The following OSBPL8 variants were observed in gnomAD, a reference collection of about 807,000 sequenced individuals.
The protein encoded by OSBPL8 is oxysterol-binding protein-related protein 8.
In OSBPL8, 59 loss-of-function variants were observed where a neutral mutation model predicts 125.5. The ratio of observed to expected loss-of-function variants is 0.47; its 90% CI spans 0.38 to 0.58. The LOEUF (loss-of-function observed/expected upper bound fraction) is 0.58, where lower values mean the gene tolerates loss of function less well. Among genes scored for constraint, OSBPL8 ranks in the 20% least tolerant of loss-of-function variants. The pLI is 0.00. For missense variants in OSBPL8, 758 were observed against 1,047.8 expected (o/e 0.72, Z 3.82); for synonymous variants, 330 against 338.9 (o/e 0.97, Z 0.29).
At chr12:76,432,414 T>C (rs983779419) in intron 4 of OSBPL8, among the ~76,000 whole-genome samples, 12 of 151,998 alleles carry the variant, frequency 7.9e-5, no homozygotes, top group Non-Finnish European at 1.5e-5. Context: ...ACCGTGTGTC[T>C]ACAAAAAATT....
At chr12:76,364,572 C>G (rs1377381212) in intron 21 of OSBPL8, among the ~76,000 whole-genome samples, 1 of 152,140 alleles carries the variant, frequency 6.6e-6, no homozygotes, top group Admixed American at 6.5e-5. Context: ...ATGGGTGCAG[C>G]AAACCACCAT....
At chr12:76,403,548 A>G (rs1004773366) in intron 5 of OSBPL8, among the ~76,000 whole-genome samples, 2 of 152,344 alleles carry the variant, frequency 1.3e-5, no homozygotes, top group African/African-American at 2.4e-5. Context: ...AAGAGACCAC[A>G]TAGGTTTACC....
At chr12:76,437,996 AT>A (rs931133415) in intron 4 of OSBPL8, among the ~76,000 whole-genome samples, 2 of 151,184 alleles carry the variant, frequency 1.3e-5, no homozygotes, top group Non-Finnish European at 3.0e-5. Context: ...TTTATTTTTT[AT>A]TTTTTTTGAG....
At chr12:76,461,378 T>C (rs1489162188) in intron 2 of OSBPL8, among the ~76,000 whole-genome samples, 1 of 152,114 alleles carries the variant, frequency 6.6e-6, no homozygotes. Context: ...AGAACTACGG[T>C]GTTAGTGAGG....
intron 4 of OSBPL8, among the ~76,000 whole-genome samples, chr12:76,435,291 G>A (rs1871319005): frequency 6.6e-6 from 1 of 152,026 alleles, no homozygotes; most frequent in African/African-American, 2.4e-5. Flanking sequence ...AGTGAAATAA[G>A]CCAGACATGG....
At chr12:76,496,496 G>C (rs184688850) in intron 1 of OSBPL8, among the ~76,000 whole-genome samples, 19 of 151,294 alleles carry the variant, frequency 1.3e-4, no homozygotes, top group Admixed American at 2.0e-4. Flanking sequence ...CCAGCCTCCT[G>C]AATAGCTGAG....
At chr12:76,406,193 T>C (rs1409602855) in intron 5 of OSBPL8, among the ~76,000 whole-genome samples, 1 of 152,204 alleles carries the variant, frequency 6.6e-6, no homozygotes, top group Non-Finnish European at 1.5e-5. Flanking sequence ...GGGCATTTAT[T>C]TATGAAAATA....
At position 76,390,488 on chromosome 12, in the gene OSBPL8, C is replaced by T. The variant is rs745744982; in HGVS notation, c.1099G>A (p.Glu367Lys). ...TTTAAAGGCTCAACAGGCTCAGGTT[C>T]GATATATGAGTCATCTTGTCTTTCT... ...TSERQDDSYI[E>K]PEPVEPLKET... The change falls in exon 11 of 24, where the codon GAA (glutamate) becomes AAA (lysine). Residue 367 changes from glutamate (E) to lysine (K), a missense_variant. Around this residue, in one of 3 missense-constraint regions of OSBPL8, gnomAD observed 572 missense variants for 762.0 expected, o/e 0.75. Transcript: ENST00000261183. 5.0e-6 allele frequency: 8 copies of T among 1,613,778 alleles called. No homozygotes were observed. The highest frequency in any genetic ancestry group is 1.1e-5 in the South Asian group (1 of 91,068).
At chr12:76,442,202 T>C (rs932148692) in intron 4 of OSBPL8, among the ~76,000 whole-genome samples, 39 of 152,318 alleles carry the variant, frequency 2.6e-4, no homozygotes, top group African/African-American at 9.4e-4. Context: ...TTTGTAAAGA[T>C]GCTTAAAGCT....
At chr12:76,398,840 A>G (rs756359337) in intron 7 of OSBPL8, among the ~76,000 whole-genome samples, 10 of 152,232 alleles carry the variant, frequency 6.6e-5, no homozygotes, top group Non-Finnish European at 1.5e-4. Context: ...GTATATGTAA[A>G]AGAATGGTAA....
intron 23 of OSBPL8, 110 bp from the exon 24 acceptor site, chr12:76,356,131 A>T: frequency 4.1e-6 from 1 of 243,008 alleles, no homozygotes; most frequent in Non-Finnish European, 6.2e-6. Context: ...AATAATTTTT[A>T]GTTGCTGGGT....
chr12:76,477,971 AG>A (rs1381031034), intron 2 of OSBPL8, among the ~76,000 whole-genome samples: 1 of 152,122 alleles, frequency 6.6e-6, no homozygotes, highest in East Asian at 1.9e-4. Context: ...TGGGAGGCTG[AG>A]GAGGGTGGAT....
rs1825570892 is a variant in OSBPL8, at chr12:76,371,524, T to C, written c.1978A>G (p.Thr660Ala). 5 of 1,611,274 alleles carry C rather than the reference T, an allele frequency of 3.1e-6. No individual in the cohort carries two copies. The highest frequency in any genetic ancestry group is 1.3e-5 in the African/African-American group (1 of 74,860). The change falls in exon 19 of 24, where the codon ACA (threonine) becomes GCA (alanine). Residue 660 changes from threonine (T) to alanine (A), a missense_variant. Physicochemically the swap from Thr to Ala is moderately conservative, Grantham distance 58. Transcript: ENST00000261183. Reference protein sequence around the residue: ...TDNSEVFWNPTPDIKQWRLIR... With the variant: ...TDNSEVFWNPAPDIKQWRLIR... ...AATCTCCATTGCTTAATGTCAGGTG[T>C]TGGATTCCAGAAAACCTCTGAATTA... is the stretch of plus-strand genomic sequence containing the variant.
At chr12:76,382,402 T>A (rs1592568094) in intron 15 of OSBPL8, among the ~76,000 whole-genome samples, 1 of 152,116 alleles carries the variant, frequency 6.6e-6, no homozygotes, top group East Asian at 1.9e-4. Flanking sequence ...GTAGCACTAC[T>A]GACATTTAGG....
intron 23 of OSBPL8, 123 bp from the exon 24 acceptor site, chr12:76,356,144 T>C (rs572674682): frequency 5.7e-5 from 3 of 52,718 alleles, no homozygotes; most frequent in East Asian, 5.6e-4. Flanking sequence ...TGCTGGGTCA[T>C]GGGGTGGTAT....
At chr12:76,394,590 A>T in intron 9 of OSBPL8, 55 bp downstream of exon 9, 2 of 1,323,788 alleles carry the variant, frequency 1.5e-6, no homozygotes, top group Non-Finnish European at 1.1e-6. Flanking sequence ...AAGTGGCATT[A>T]AAAAAACTCT....
intron 2 of OSBPL8, among the ~76,000 whole-genome samples, chr12:76,475,125 AT>A (rs1007494528): frequency 5.3e-5 from 8 of 152,086 alleles, no homozygotes; most frequent in Admixed American, 2.0e-4. Context: ...ACTCCCATGA[AT>A]TTTTTTTATT....
At chr12:76,495,052 G>A (rs1879135294) in intron 1 of OSBPL8, among the ~76,000 whole-genome samples, 1 of 152,184 alleles carries the variant, frequency 6.6e-6, no homozygotes, top group East Asian at 1.9e-4. Context: ...AGTGTTACCT[G>A]CCTCAACAGA....
At chr12:76,431,154 T>C (rs572233584) in intron 4 of OSBPL8, among the ~76,000 whole-genome samples, 14 of 152,170 alleles carry the variant, frequency 9.2e-5, no homozygotes, top group African/African-American at 2.9e-4. Flanking sequence ...TATCTAAAGA[T>C]AGCTGAAGTT....
Sources: allele counts gnomAD v4.1 joint callset (sites outside exome capture counted in the v4.1 genomes callset), GRCh38; gene constraint gnomAD v4.1.1; regional missense constraint gnomAD v4.1.1; transcripts MANE v1.5; gene names NCBI Gene and HGNC (gene_info 2026-07-23, HGNC 2026-07-21).